The following MPPED2 variants were observed in gnomAD, a reference collection of about 807,000 sequenced individuals.
MPPED2 encodes the protein metallophosphoesterase MPPED2.
A neutral mutation model predicts 33.0 loss-of-function variants in MPPED2; 5 were observed. The ratio of observed to expected loss-of-function variants is 0.15; its 90% CI spans 0.08 to 0.32. MPPED2 has a LOEUF of 0.32. MPPED2 is among the 10% of genes least tolerant of loss of function. MPPED2 has a pLI of 1.00. For missense variants in MPPED2, 275 were observed against 372.1 expected, an observed-to-expected ratio of 0.74 and a Z score of 2.15; for synonymous variants, 136 against 141.9, an observed-to-expected ratio of 0.96 and a Z score of 0.29.
chr11:30,552,591 T>A (rs560123613), intron 2 of MPPED2, among the ~76,000 whole-genome samples: 7 of 152,298 alleles, frequency 4.6e-5, no homozygotes, highest in African/African-American at 1.7e-4. Context: ...CTGTTTTTGT[T>A]TTGTTTTGTT....
At chr11:30,540,194 T>C (rs1955022098) in intron 2 of MPPED2, among the ~76,000 whole-genome samples, 1 of 152,218 alleles carries the variant, frequency 6.6e-6, no homozygotes, top group South Asian at 2.1e-4. Flanking sequence ...TAATGCCTAA[T>C]TTTCTGTGTT....
chr11:30,399,228 C>T (rs1947877691), intron 6 of MPPED2, among the ~76,000 whole-genome samples: 1 of 151,986 alleles, frequency 6.6e-6, no homozygotes, highest in Non-Finnish European at 1.5e-5. Flanking sequence ...AAGCACAGGA[C>T]TTATGAGTCA....
intron 2 of MPPED2, among the ~76,000 whole-genome samples, chr11:30,559,124 A>G (rs1203896813): frequency 6.6e-6 from 1 of 152,208 alleles, no homozygotes; most frequent in Non-Finnish European, 1.5e-5. Context: ...CTTCCAGGAA[A>G]TCTTAAATGA....
At chr11:30,402,068 G>A (rs1947916842) in intron 6 of MPPED2, among the ~76,000 whole-genome samples, 1 of 152,022 alleles carries the variant, frequency 6.6e-6, no homozygotes, top group Non-Finnish European at 1.5e-5. Flanking sequence ...ATAATTATTT[G>A]GGGGGTTATG....
At chr11:30,483,333 T>C (rs2134134545) in intron 4 of MPPED2, among the ~76,000 whole-genome samples, 1 of 152,368 alleles carries the variant, frequency 6.6e-6, no homozygotes, top group South Asian at 2.1e-4. Flanking sequence ...ACAGAAGCAG[T>C]AGCATCAGCA....
At chr11:30,537,752 C>A (rs1052642746) in intron 2 of MPPED2, among the ~76,000 whole-genome samples, 1 of 152,080 alleles carries the variant, frequency 6.6e-6, no homozygotes, top group Non-Finnish European at 1.5e-5. Flanking sequence ...GTTTAACTTC[C>A]GCAAAAAATT....
chr11:30,451,751 A>T, intron 4 of MPPED2: 1 of 983,414 alleles, frequency 1.0e-6, no homozygotes, highest in Non-Finnish European at 1.2e-6. Context: ...AGGACTCATT[A>T]TTATGCAATT....
chr11:30,451,387 G>A (rs537626929), intron 4 of MPPED2, among the ~76,000 whole-genome samples: 1 of 152,168 alleles, frequency 6.6e-6, no homozygotes, highest in Non-Finnish European at 1.5e-5. Flanking sequence ...CTGCTAACCT[G>A]GCCCCCCTGC....
At chr11:30,483,851 A>G (rs1330039214) in intron 4 of MPPED2, among the ~76,000 whole-genome samples, 1 of 152,188 alleles carries the variant, frequency 6.6e-6, no homozygotes, top group Non-Finnish European at 1.5e-5. Flanking sequence ...TGAGATTGAT[A>G]TATCCCAGAA....
chr11:30,527,667 A>T (rs990881826), intron 3 of MPPED2, among the ~76,000 whole-genome samples: 2 of 152,190 alleles, frequency 1.3e-5, no homozygotes, highest in African/African-American at 4.8e-5. Flanking sequence ...AGGGGACAGC[A>T]TCAGGTTTCT....
chr11:30,469,630 A>T (rs149736422), intron 4 of MPPED2, among the ~76,000 whole-genome samples: 1 of 152,306 alleles, frequency 6.6e-6, no homozygotes, highest in East Asian at 1.9e-4. Flanking sequence ...GTACTCAAGG[A>T]GCAGGTAGAG....
intron 4 of MPPED2, among the ~76,000 whole-genome samples, chr11:30,479,123 G>T (rs1293973486): frequency 6.6e-6 from 1 of 151,992 alleles, no homozygotes; most frequent in Non-Finnish European, 1.5e-5. Context: ...AGGCTGAATG[G>T]AACACCAGGG....
Position 30,411,006 on chromosome 11 carries a change from A to G in MPPED2, c.*462T>C. The G allele has an allele frequency of 1.0e-6, 1 of 985,902 alleles. No individual in the cohort carries two copies. The highest frequency in any genetic ancestry group is 1.2e-6 in the Non-Finnish European group (1 of 829,982). The allele number at this position is 985,902 out of a possible 1,614,324, so 61.1% of individuals were successfully genotyped here. ...TGCTATAAATTGGGACCACATCTGC[A>G]AAAAAGAAGCATTACCAAGAAAACA... On this transcript the variant is annotated 3_prime_UTR_variant, in exon 7 of 7. Coordinates refer to ENST00000358117, the MANE Select transcript of MPPED2 (RefSeq NM_001584.3).
intron 4 of MPPED2, among the ~76,000 whole-genome samples, chr11:30,442,317 GT>G (rs1275801878): frequency 6.6e-6 from 1 of 152,174 alleles, no homozygotes; most frequent in East Asian, 1.9e-4. Flanking sequence ...AATAAAATCT[GT>G]GAATGTTTGG....
intron 3 of MPPED2, among the ~76,000 whole-genome samples, chr11:30,520,347 G>C (rs1052148266): frequency 6.6e-6 from 1 of 152,152 alleles, no homozygotes; most frequent in Non-Finnish European, 1.5e-5. Context: ...TATAAATATG[G>C]CATTAACACA....
At chr11:30,389,888 G>A (rs1237614866) in intron 6 of MPPED2, among the ~76,000 whole-genome samples, 1 of 152,100 alleles carries the variant, frequency 6.6e-6, no homozygotes, top group Non-Finnish European at 1.5e-5. Flanking sequence ...GGGCATCAGA[G>A]TACAAGTTAA....
chr11:30,446,989 G>T (rs1949841071), intron 4 of MPPED2, among the ~76,000 whole-genome samples: 1 of 152,194 alleles, frequency 6.6e-6, no homozygotes, highest in African/African-American at 2.4e-5. Flanking sequence ...GTTCTAGCAG[G>T]GAAGGAGGGA....
chr11:30,586,892 G>A (rs79652581), upstream of MPPED2: 9,827 of 152,084 alleles, frequency 0.065, 702 homozygotes, highest in African/African-American at 0.18. This position sits in a 1 kb window ranked among gnomAD's most constrained non-coding sequence, Gnocchi z 4.8. Context: ...CTGGGGGAGA[G>A]CTGTGCTCCT....
At chr11:30,500,962 C>T (rs192534861) in intron 3 of MPPED2, among the ~76,000 whole-genome samples, 9 of 152,254 alleles carry the variant, frequency 5.9e-5, no homozygotes, top group African/African-American at 1.4e-4. Context: ...ACTTTAAGCC[C>T]GCATGAAGTG....
Sources: allele counts gnomAD v4.1 joint callset (sites outside exome capture counted in the v4.1 genomes callset), GRCh38; gene constraint gnomAD v4.1.1; non-coding constraint Gnocchi (gnomAD v3.1); transcripts MANE v1.5; gene names NCBI Gene and HGNC (gene_info 2026-07-23, HGNC 2026-07-21).